USP34: variants seen among roughly 807,000 people sequenced by gnomAD.
USP34 encodes ubiquitin specific peptidase 34.
Under a neutral mutation model 460.3 loss-of-function variants are expected in USP34, and 70 were observed. The observed-to-expected ratio is 0.15, with a 90% CI of 0.13 to 0.19. The LOEUF (loss-of-function observed/expected upper bound fraction) is 0.19, where lower values mean the gene tolerates loss of function less well. Ranked by LOEUF, USP34 falls within the 10% of genes least tolerant of loss-of-function variation. USP34 has a pLI of 1.00. For synonymous variants in USP34, 1,647 were observed against 1,405.3 expected (o/e 1.17, Z -3.85); for missense variants, 3,985 against 4,236.2 (o/e 0.94, Z 1.65).
At chr2:61,432,655 T>C (rs1694710545) in intron 1 of USP34, among the ~76,000 whole-genome samples, 2 of 152,064 alleles carry the variant, frequency 1.3e-5, no homozygotes, top group African/African-American at 4.8e-5. Context: ...TATATTTAAA[T>C]ATATACAGAT....
chr2:61,220,373 G>T lies in USP34; in HGVS notation c.7984C>A (p.Gln2662Lys). ...CGCTCGACCCAGTTTTCCATATTCT[G>T]TAAGACCCAGCTGTGTGCCAGTTTA... Reference protein sequence around the residue: ...RNKLAHSWVLQNMENWVERFL... With the variant: ...RNKLAHSWVLKNMENWVERFL... Residue 2662 changes from glutamine (Q) to lysine (K), a missense_variant, in exon 67 of 80, where the codon CAG (glutamine) becomes AAG (lysine). This residue lies in a region of USP34 where 604 missense variants were observed against 684.8 expected (regional missense o/e 0.88). Transcript: ENST00000398571. 1 of 1,613,920 alleles carries T rather than the reference G, an allele frequency of 6.2e-7. No homozygotes were observed. Among genetic ancestry groups the T allele is most frequent in the Middle Eastern group, 1.7e-4 (1 of 6,060 alleles).
chr2:61,421,364 C>T (rs186342273), intron 1 of USP34, among the ~76,000 whole-genome samples: 12 of 152,268 alleles, frequency 7.9e-5, no homozygotes, highest in African/African-American at 2.6e-4. Context: ...TTCCTTCACA[C>T]GGCGTTCCTC....
intron 51 of USP34, among the ~76,000 whole-genome samples, chr2:61,242,458 T>TACACACACACACACACACACACAC (rs67471702): frequency 1.5e-5 from 2 of 129,680 alleles, no homozygotes; most frequent in African/African-American, 6.0e-5. Flanking sequence ...AGATAATACA[T>TACACACACACACACACACACACAC]ACACACACAC....
intron 1 of USP34, among the ~76,000 whole-genome samples, chr2:61,430,654 A>G (rs147080167): frequency 6.6e-6 from 1 of 152,370 alleles, no homozygotes; most frequent in African/African-American, 2.4e-5. Context: ...TTTTAAAATC[A>G]GCAATTCTAA....
chr2:61,204,553 G>A lies in USP34; in HGVS notation c.9203C>T (p.Thr3068Ile), dbSNP rs1180009556. The A allele has an allele frequency of 6.2e-7, 1 of 1,614,116 alleles. No homozygotes were observed. Among genetic ancestry groups the A allele is most frequent in the Non-Finnish European group, 8.5e-7 (1 of 1,179,994 alleles). ...VLLSPHDFLH[T>I]LVPFLQHNHC... ...GTTGTGTTGTAGAAAGGGAACCAGA[G>A]TATGAAGAAAATCATGGGGACTCAA... The change falls in exon 73 of 80, where the codon ACT becomes ATT. Residue 3068 changes from threonine to isoleucine, a missense_variant. Around this residue, in one of 14 missense-constraint regions of USP34, gnomAD observed 275 missense variants for 292.7 expected, o/e 0.94. Transcript: ENST00000398571.
At chr2:61,337,085 C>A (rs1691443421) in intron 18 of USP34, among the ~76,000 whole-genome samples, 1 of 152,098 alleles carries the variant, frequency 6.6e-6, no homozygotes, top group Non-Finnish European at 1.5e-5. Flanking sequence ...GCTCAAAATA[C>A]TGAGGTAAAC....
Position 61,321,655 on chromosome 2 carries a change from T to C in USP34, c.3014-2328A>G, listed in dbSNP as rs543369163. Among the ~76,000 whole-genome samples the C allele has an allele frequency of 1.6e-3, 238 of 152,318 alleles. 1 individual carries two copies. The highest frequency in any genetic ancestry group is 5.3e-3 in the African/African-American group (219 of 41,564). On this transcript the variant is annotated intron_variant, in intron 21 of 79. Transcript: ENST00000398571. The stretch of plus-strand genomic sequence containing the variant: ...CAAGTATTTAATACGAATTTTCACA[T>C]AATTTATGTTTTTAAAATGTAGTTT...
At chr2:61,255,359 C>T (rs897710529) in intron 48 of USP34, among the ~76,000 whole-genome samples, 1 of 152,208 alleles carries the variant, frequency 6.6e-6, no homozygotes, top group Non-Finnish European at 1.5e-5. Flanking sequence ...AGACCTCTCA[C>T]CAAGCTCTAA....
intron 1 of USP34, among the ~76,000 whole-genome samples, chr2:61,466,357 G>A (rs985544472): frequency 7.9e-5 from 12 of 152,060 alleles, no homozygotes; most frequent in African/African-American, 2.7e-4. Context: ...CCCAGGAAGC[G>A]GAGGCTGTAG....
At chr2:61,468,468 C>G (rs151154062) in intron 1 of USP34, among the ~76,000 whole-genome samples, 54 of 152,368 alleles carry the variant, frequency 3.5e-4, no homozygotes, top group African/African-American at 1.2e-3. Flanking sequence ...CAGGCGTGAG[C>G]CACTGCGCCT....
In USP34 at chr2:61,236,800, A is replaced by ATT. The variant is rs1688082343; in HGVS notation, c.6778-412_6778-411insAA. 3.3e-5 allele frequency among the ~76,000 whole-genome samples: 5 copies of ATT among 152,358 alleles called. No individual in the cohort carries two copies. In the South Asian group the frequency reaches 1.0e-3, roughly 32 times the overall value. On this transcript the variant is annotated intron_variant, in intron 53 of 79. Transcript: ENST00000398571. ...CTAAATCAGACGTGATTTGTTTATAAAAATCATGAAAAATTATTTCTGACA... is the reference window on the plus strand; with the variant it reads ...CTAAATCAGACGTGATTTGTTTATAATTAAATCATGAAAAATTATTTCTGACA...
chr2:61,350,415 G>A (rs781360467), intron 11 of USP34, 26 bp from the exon 12 acceptor site: 24 of 1,594,742 alleles, frequency 1.5e-5, no homozygotes, highest in African/African-American at 2.7e-5. Context: ...AGAGATTTCA[G>A]TTTGAGAATT....
intron 67 of USP34, 151 bp from the exon 68 acceptor site, chr2:61,214,845 C>T (rs1687355239): frequency 1.1e-6 from 1 of 910,666 alleles, no homozygotes; most frequent in Non-Finnish European, 1.6e-6. Flanking sequence ...CTGCTTTCCC[C>T]TTGGCCCCAC....
Position 61,217,466 on chromosome 2 carries a change from T to C in USP34, c.8048-2772A>G, listed in dbSNP as rs554662810. On this transcript the variant is annotated intron_variant, in intron 67 of 79. Transcript: ENST00000398571. The stretch of plus-strand genomic sequence containing the variant: ...CTAAGTTATACTAATTCTATTCAAA[T>C]ATTTGGACTCTTATCAAGTTACAGC... 2.6e-5 allele frequency among the ~76,000 whole-genome samples: 4 copies of C among 152,362 alleles called. No homozygotes were observed. The South Asian group carries it at 8.3e-4, about 32-fold the overall frequency.
In USP34 at chr2:61,236,226, G is replaced by T; in HGVS notation, c.6853C>A (p.Gln2285Lys). 1 of 1,609,444 alleles carries T rather than the reference G, an allele frequency of 6.2e-7. No homozygotes were observed. Among genetic ancestry groups the T allele is most frequent in the Non-Finnish European group, 8.5e-7 (1 of 1,178,316 alleles). The change falls in exon 55 of 80, where the codon CAA becomes AAA. Residue 2285 changes from glutamine (Q) to lysine (K), a missense_variant. By Grantham distance (53) the Gln-to-Lys change is moderately conservative. Transcript: ENST00000398571. ...FEHTYFGFMW[Q>K]LCSCIPSTLP... ...GTACTGGGAATACAACTACACAATT[G>T]CCACATAAATCTAGAATTTAAAAAT...
At chr2:61,396,787 C>T (rs1027744464) in intron 3 of USP34, among the ~76,000 whole-genome samples, 1 of 152,094 alleles carries the variant, frequency 6.6e-6, no homozygotes, top group Admixed American at 6.6e-5. Context: ...CTCGCCCAGT[C>T]CTAACTCTTA....
chr2:61,223,593 G>GA (rs936978684), intron 62 of USP34: 1 of 257,878 alleles, frequency 3.9e-6, no homozygotes, highest in African/African-American at 2.4e-5. Flanking sequence ...TTTTTGACAT[G>GA]AGACCCTTCA....
At chr2:61,189,347 G>A (rs1011294808) in intron 78 of USP34, 2 of 235,048 alleles carry the variant, frequency 8.5e-6, no homozygotes, top group East Asian at 9.6e-5. Flanking sequence ...ATCTCGGCTC[G>A]CTGCAACCTC....
intron 48 of USP34, among the ~76,000 whole-genome samples, chr2:61,253,146 G>T (rs887100509): frequency 6.6e-6 from 1 of 152,130 alleles, no homozygotes; most frequent in Non-Finnish European, 1.5e-5. Context: ...CATTTCTGTT[G>T]ATTATTATGT....
Sources: gnomAD v4.1 joint callset for allele counts (sites outside exome capture counted in the v4.1 genomes callset) on GRCh38, gnomAD v4.1.1 for gene constraint, gnomAD v4.1.1 regional missense constraint, MANE v1.5 for transcripts, NCBI Gene and HGNC (gene_info 2026-07-23, HGNC 2026-07-21) for gene names.